LMO7: variants seen among roughly 807,000 people sequenced by gnomAD.
LMO7 encodes the protein LIM domain 7, also known as LIM domain only protein 7.
In LMO7, 120 loss-of-function variants were observed where a neutral mutation model predicts 206.5. The observed-to-expected ratio is 0.58, with a 90% confidence interval of 0.50 to 0.68. The LOEUF is 0.68. LMO7 is among the 30% of genes least tolerant of loss of function. LMO7 has a pLI of 0.00. For missense variants in LMO7, 1,959 were observed against 1,957.9 expected (o/e 1.00, Z -0.01); for synonymous variants, 706 against 681.5 (o/e 1.04, Z -0.56).
chr13:75,663,525 G>C (rs951756341), intron 1 of LMO7, among the ~76,000 whole-genome samples: 13 of 148,992 alleles, frequency 8.7e-5, no homozygotes, highest in African/African-American at 3.2e-4. Flanking sequence ...CTGCCTCCCG[G>C]GTTCACACCA....
intron 3 of LMO7, among the ~76,000 whole-genome samples, chr13:75,750,377 C>CTTTTTTTTTTTTT (rs34407423): frequency 1.1e-5 from 1 of 93,380 alleles, no homozygotes. Context: ...CTGGGGGATC[C>CTTTTTTTTTTTTT]TTTTTTTTTT....
chr13:75,675,367 C>T (rs2139428449), intron 1 of LMO7, among the ~76,000 whole-genome samples: 1 of 152,300 alleles, frequency 6.6e-6, no homozygotes, highest in East Asian at 1.9e-4. Flanking sequence ...AGCCACCGTG[C>T]CCGGCCTGTT....
intron 11 of LMO7, among the ~76,000 whole-genome samples, 157 bp downstream of exon 11, chr13:75,809,340 A>G (rs1330913418): frequency 6.6e-6 from 1 of 152,186 alleles, no homozygotes; most frequent in East Asian, 1.9e-4. Context: ...CCTAATGGTA[A>G]TATTTCTGTG....
At chr13:75,798,192 G>GA (rs1442988188) in intron 6 of LMO7, among the ~76,000 whole-genome samples, 2 of 152,164 alleles carry the variant, frequency 1.3e-5, no homozygotes, top group Non-Finnish European at 2.9e-5. Context: ...CCAACATGGA[G>GA]AAACCTCATC....
intron 9 of LMO7, chr13:75,806,428 G>T (rs1452859160): frequency 6.3e-6 from 1 of 159,272 alleles, no homozygotes; most frequent in African/African-American, 2.4e-5. Context: ...TGCTTTCTGT[G>T]CAACTACATC....
intron 4 of LMO7, among the ~76,000 whole-genome samples, chr13:75,788,187 C>T (rs887960499): frequency 4.6e-5 from 7 of 152,104 alleles, no homozygotes; most frequent in Admixed American, 2.0e-4. Flanking sequence ...TTTCTTATGA[C>T]ACCTACACTT....
chr13:75,760,762 G>A (rs2048114430), intron 3 of LMO7, 170 bp from the exon 4 acceptor site: 1 of 1,537,276 alleles, frequency 6.5e-7, no homozygotes, highest in Non-Finnish European at 8.7e-7. Context: ...CTGAAAGGCT[G>A]TACAAGCCCT....
At chr13:75,687,678 A>G (rs1344210640) in intron 1 of LMO7, among the ~76,000 whole-genome samples, 2 of 152,180 alleles carry the variant, frequency 1.3e-5, no homozygotes, top group Non-Finnish European at 2.9e-5. Flanking sequence ...TGTGACTGAA[A>G]TATTAATTCT....
chr13:75,733,086 C>G lies in LMO7; in HGVS notation c.210+5988C>G, dbSNP rs1218392889. Among the ~76,000 whole-genome samples, 5 of 152,334 alleles carry G rather than the reference C, an allele frequency of 3.3e-5. No individual in the cohort carries two copies. The East Asian group carries it at 7.7e-4, about 24-fold the overall frequency. ...TCGGGGGTCAGGGGTCAGGGACCCA[C>G]TTGAGGAGGCAGTCTCCCCGTTCTC... On this transcript the variant is annotated intron_variant, in intron 3 of 30. Transcript: ENST00000377534.
At chr13:75,792,265 G>A (rs116299694) in intron 4 of LMO7, among the ~76,000 whole-genome samples, 5 of 152,222 alleles carry the variant, frequency 3.3e-5, no homozygotes, top group African/African-American at 1.2e-4. Context: ...ACTGTGCCTG[G>A]TCTGTTTCTT....
At chr13:75,632,639 A>G (rs9573595), upstream of LMO7, among the ~76,000 whole-genome samples, 103,062 of 152,152 alleles carry the variant, frequency 0.68, 36,227 homozygotes, top group East Asian at 0.92. Context: ...AAGGCTGTGC[A>G]CTTCTTAACA....
intron 1 of LMO7, among the ~76,000 whole-genome samples, chr13:75,698,620 G>A (rs1464904919): frequency 2.1e-5 from 3 of 144,158 alleles, no homozygotes; most frequent in Admixed American, 1.4e-4. Context: ...TTTTTTTTTC[G>A]GGGAGGGGTA....
At chr13:75,692,046 C>A (rs1301065537) in intron 1 of LMO7, among the ~76,000 whole-genome samples, 1 of 152,208 alleles carries the variant, frequency 6.6e-6, no homozygotes, top group African/African-American at 2.4e-5. Flanking sequence ...TCTTACCTTG[C>A]AGCTTCAACT....
Position 75,624,579 on chromosome 13 carries a change from A to G in LMO7, c.225+1259A>G, listed in dbSNP as rs564455778. On this transcript the variant is annotated intron_variant, in intron 2 of 29. Coordinates refer to the LMO7 transcript ENST00000341547. Reference sequence around the variant, plus strand: ...GATAAAGACATACCTGAGACTGGGCAATTTATAAAAGAAAGAGGTTTAATG... The same window carrying G: ...GATAAAGACATACCTGAGACTGGGCGATTTATAAAAGAAAGAGGTTTAATG... Among the ~76,000 whole-genome samples the G allele has an allele frequency of 3.3e-5, 5 of 152,290 alleles. No individual in the cohort carries two copies. In the South Asian group the frequency reaches 1.0e-3, roughly 32 times the overall value.
chr13:75,801,732 A>G (rs899960716), intron 7 of LMO7, among the ~76,000 whole-genome samples: 8 of 152,242 alleles, frequency 5.3e-5, no homozygotes, highest in Middle Eastern at 3.4e-3. Context: ...ATGTGAAAAC[A>G]TTGAGTTCTG....
intron 13 of LMO7, 103 bp from the exon 14 acceptor site, chr13:75,821,074 C>A: frequency 1.3e-6 from 1 of 767,744 alleles, no homozygotes; most frequent in Non-Finnish European, 2.1e-6. Flanking sequence ...GTGAAGTTAG[C>A]ATCATTTTAT....
At chr13:75,801,326 G>GA (rs2054706690) in intron 7 of LMO7, among the ~76,000 whole-genome samples, 1 of 151,202 alleles carries the variant, frequency 6.6e-6, no homozygotes, top group South Asian at 2.1e-4. Context: ...AGCAAAAAAA[G>GA]AAAAATATTT....
At chr13:75,653,630 G>C (rs1000441762) in intron 1 of LMO7, among the ~76,000 whole-genome samples, 1 of 152,318 alleles carries the variant, frequency 6.6e-6, no homozygotes, top group South Asian at 2.1e-4. Context: ...TGGACCTGTA[G>C]CTTCTGGAGG....
intron 1 of LMO7, among the ~76,000 whole-genome samples, chr13:75,691,547 C>T (rs1260783571): frequency 1.3e-5 from 2 of 152,130 alleles, no homozygotes; most frequent in African/African-American, 4.8e-5. Flanking sequence ...CCTTTTCACT[C>T]TGGCCTCTGG....
Sources: gnomAD v4.1 joint callset for allele counts (sites outside exome capture counted in the v4.1 genomes callset) on GRCh38, gnomAD v4.1.1 for gene constraint, MANE v1.5 for transcripts, NCBI Gene and HGNC (gene_info 2026-07-23, HGNC 2026-07-21) for gene names.